NRG1: variants seen among roughly 807,000 people sequenced by gnomAD.
The protein encoded by NRG1 is neuregulin 1.
A neutral mutation model predicts 63.8 loss-of-function variants in NRG1; 18 were observed. The observed-to-expected ratio is 0.28, with a 90% CI of 0.19 to 0.42. The LOEUF (loss-of-function observed/expected upper bound fraction) is 0.42, where lower values mean the gene tolerates loss of function less well. Among genes scored for constraint, NRG1 ranks in the 10% least tolerant of loss-of-function variants. The pLI is 1.00. For missense variants in NRG1, 762 were observed against 814.7 expected, an observed-to-expected ratio of 0.94 and a Z score of 0.79; for synonymous variants, 302 against 301.3, an observed-to-expected ratio of 1.00 and a Z score of -0.02.
chr8:31,966,568 C>T (rs182845047), intron 1 of NRG1, among the ~76,000 whole-genome samples: 141 of 152,262 alleles, frequency 9.3e-4, no homozygotes, highest in African/African-American at 3.1e-3. Context: ...CCTATTATCC[C>T]TGATTACAAT....
At chr8:32,328,668 T>A (rs1158139939) in intron 1 of NRG1, among the ~76,000 whole-genome samples, 3 of 152,110 alleles carry the variant, frequency 2.0e-5, no homozygotes, top group South Asian at 4.1e-4. Context: ...GAAAATGTAA[T>A]TTTTTTAAGA....
At chr8:32,649,844 C>T (rs1451440636) in intron 5 of NRG1, among the ~76,000 whole-genome samples, 1 of 152,186 alleles carries the variant, frequency 6.6e-6, no homozygotes, top group African/African-American at 2.4e-5. Context: ...GCTGCCTCTT[C>T]CCACCTGGCA....
At chr8:31,746,006 T>G (rs1815817115) in intron 1 of NRG1, among the ~76,000 whole-genome samples, 1 of 151,886 alleles carries the variant, frequency 6.6e-6, no homozygotes, top group African/African-American at 2.4e-5. Flanking sequence ...TGACGATAAC[T>G]ACTTTGGTTG....
At chr8:32,526,663 G>A (rs2129513507) in intron 1 of NRG1, among the ~76,000 whole-genome samples, 1 of 152,236 alleles carries the variant, frequency 6.6e-6, no homozygotes, top group South Asian at 2.1e-4. Context: ...CTCCTGTCAA[G>A]GTCAAGTAGT....
chr8:31,740,523 G>A (rs1815155392), intron 1 of NRG1, among the ~76,000 whole-genome samples: 1 of 151,902 alleles, frequency 6.6e-6, no homozygotes, highest in South Asian at 2.1e-4. Flanking sequence ...TGATAGGCAA[G>A]AAAGAAAAGG....
intron 1 of NRG1, among the ~76,000 whole-genome samples, chr8:31,750,499 A>G (rs1816342532): frequency 6.6e-6 from 1 of 152,006 alleles, no homozygotes; most frequent in Admixed American, 6.6e-5. Flanking sequence ...GTGAACTGTA[A>G]GAGCTGAATG....
chr8:32,112,736 C>G (rs1011785483), intron 1 of NRG1, among the ~76,000 whole-genome samples: 1 of 152,128 alleles, frequency 6.6e-6, no homozygotes, highest in Non-Finnish European at 1.5e-5. Flanking sequence ...GAGTGCCTCC[C>G]TCTATAAACT....
intron 1 of NRG1, among the ~76,000 whole-genome samples, chr8:32,169,266 T>G (rs1839743458): frequency 6.6e-6 from 1 of 152,094 alleles, no homozygotes; most frequent in South Asian, 2.1e-4. Context: ...ATAGGCCTGG[T>G]TGGGTGGTCT....
At chr8:31,890,441 T>C (rs1213424127) in intron 1 of NRG1, among the ~76,000 whole-genome samples, 1 of 152,024 alleles carries the variant, frequency 6.6e-6, no homozygotes, top group African/African-American at 2.4e-5. Context: ...GAAGAAGTTA[T>C]AATATGTGAA....
intron 6 of NRG1, among the ~76,000 whole-genome samples, chr8:32,731,710 T>C (rs1823716523): frequency 6.6e-6 from 1 of 152,162 alleles, no homozygotes; most frequent in Non-Finnish European, 1.5e-5. Context: ...AAAGACATAA[T>C]ATACTAGGTC....
chr8:32,720,167 A>G (rs933287273), intron 5 of NRG1, among the ~76,000 whole-genome samples: 17 of 152,148 alleles, frequency 1.1e-4, no homozygotes, highest in South Asian at 4.1e-4. Flanking sequence ...TAGCTTGTTG[A>G]ATAACTGAAT....
intron 1 of NRG1, chr8:32,061,660 T>A (rs2130915062): frequency 6.6e-6 from 1 of 152,152 alleles, no homozygotes; most frequent in African/African-American, 2.4e-5. Context: ...TTTCCTAATG[T>A]ACATTTTTTC....
chr8:31,666,046 T>G (rs1806506575), intron 1 of NRG1, among the ~76,000 whole-genome samples: 1 of 152,176 alleles, frequency 6.6e-6, no homozygotes, highest in African/African-American at 2.4e-5. Context: ...AGAGAGCCTC[T>G]TCTCCTGGAA....
chr8:32,088,770 G>A (rs747696907), intron 1 of NRG1, among the ~76,000 whole-genome samples: 9 of 151,898 alleles, frequency 5.9e-5, no homozygotes, highest in Non-Finnish European at 1.3e-4. Flanking sequence ...CTCCTGCCTC[G>A]GCGTCCAAAA....
chr8:32,614,406 C>A, intron 3 of NRG1, 108 bp from the exon 4 acceptor site: 2 of 1,036,150 alleles, frequency 1.9e-6, no homozygotes, highest in Non-Finnish European at 3.0e-6. Context: ...CACTCCCTTG[C>A]AATACTTCCT....
At chr8:32,222,034 T>TATACACAC (rs1554658204) in intron 1 of NRG1, among the ~76,000 whole-genome samples, 1,773 of 148,670 alleles carry the variant, frequency 0.012, 33 homozygotes, top group African/African-American at 0.038. Flanking sequence ...GAAACATACA[T>TATACACAC]ACACACACAC....
rs545299362 is a variant in NRG1, at chr8:31,665,614, C to A, written c.37+26183C>A. Among the ~76,000 whole-genome samples, 3 of 152,300 alleles carry A rather than the reference C, an allele frequency of 2.0e-5. No homozygotes were observed. In the East Asian group the frequency reaches 5.8e-4, roughly 29 times the overall value. On this transcript the variant is annotated intron_variant, in intron 1 of 10. Transcript: ENST00000519301. ...ACTTGTAGCATTTTAAACTAGATTACTTTTAGCTTAGGTCTGCATCTGAAA... is the reference window on the plus strand; with the variant it reads ...ACTTGTAGCATTTTAAACTAGATTAATTTTAGCTTAGGTCTGCATCTGAAA...
At position 31,986,216 on chromosome 8, in the gene NRG1, G is replaced by C. The variant is rs540300860; in HGVS notation, c.37+346785G>C. 1.1e-4 allele frequency among the ~76,000 whole-genome samples: 16 copies of C among 152,116 alleles called. No homozygotes were observed. The East Asian group carries it at 3.1e-3, about 30-fold the overall frequency. ...TTTGGGTAGATTTCTCAGATAAGTT[G>C]TAAGGGGTGGTGTGACTGGCTAAAG... On this transcript the variant is annotated intron_variant, in intron 1 of 10. Coordinates refer to the NRG1 transcript ENST00000519301.
chr8:31,785,427 G>A (rs73242139), intron 1 of NRG1, among the ~76,000 whole-genome samples: 5,516 of 152,248 alleles, frequency 0.036, 131 homozygotes, highest in Non-Finnish European at 0.055. Context: ...TTGTGATAAA[G>A]AGCAGGCAGA....
Sources: gnomAD v4.1 joint callset for allele counts (sites outside exome capture counted in the v4.1 genomes callset) on GRCh38, gnomAD v4.1.1 for gene constraint, MANE v1.5 for transcripts, NCBI Gene and HGNC (gene_info 2026-07-23, HGNC 2026-07-21) for gene names.